Variants in RSPO1 observed in about 807,000 individuals in gnomAD.
RSPO1 encodes R-spondin-1.
A neutral mutation model predicts 26.0 loss-of-function variants in RSPO1; 18 were observed. The observed-to-expected ratio is 0.69, with a 90% CI of 0.48 to 1.03. The LOEUF is 1.03. Ranked by LOEUF, RSPO1 falls within the 50% of genes least tolerant of loss-of-function variation. RSPO1 has a pLI of 0.00. For synonymous variants in RSPO1, 133 were observed against 137.4 expected (o/e 0.97, Z 0.22); for missense variants, 309 against 352.3 (o/e 0.88, Z 0.98).
intron 3 of RSPO1, among the ~76,000 whole-genome samples, chr1:37,622,309 C>T (rs1344314577): frequency 6.6e-6 from 1 of 152,060 alleles, no homozygotes; most frequent in Non-Finnish European, 1.5e-5. Flanking sequence ...GGCAGTTGTT[C>T]GGCAGTGAAA....
intron 3 of RSPO1, among the ~76,000 whole-genome samples, chr1:37,628,985 C>A (rs118067756): frequency 6.6e-6 from 1 of 152,224 alleles, no homozygotes; most frequent in Non-Finnish European, 1.5e-5. Context: ...CCCCTGCCTG[C>A]TTGTCTCCCC....
intron 3 of RSPO1, among the ~76,000 whole-genome samples, chr1:37,625,011 C>T (rs915672158): frequency 6.6e-5 from 10 of 152,240 alleles, no homozygotes; most frequent in African/African-American, 2.4e-4. Context: ...CTGACCAACT[C>T]CCTCAAGCCT....
At chr1:37,631,181 A>G (rs966365374) in intron 2 of RSPO1, among the ~76,000 whole-genome samples, 1 of 152,076 alleles carries the variant, frequency 6.6e-6, no homozygotes, top group African/African-American at 2.4e-5. Flanking sequence ...ACGGGAGATA[A>G]ATCATTATCC....
chr1:37,616,387 C>G (rs1392388934), intron 4 of RSPO1, 97 bp downstream of exon 4: 4 of 1,161,702 alleles, frequency 3.4e-6, no homozygotes, highest in African/African-American at 1.5e-5. Flanking sequence ...TCAGAGCCCC[C>G]TCTGCTCCTC....
intron 5 of RSPO1, 142 bp downstream of exon 5, chr1:37,614,042 G>T: frequency 7.5e-7 from 1 of 1,326,784 alleles, no homozygotes; most frequent in Admixed American, 1.9e-5. Context: ...GGGCAGAAAA[G>T]TCCTTGGAGA....
At chr1:37,626,521 A>C (rs1644278811) in intron 3 of RSPO1, among the ~76,000 whole-genome samples, 1 of 151,384 alleles carries the variant, frequency 6.6e-6, no homozygotes, top group Admixed American at 6.6e-5. Context: ...GTCTTCCCCC[A>C]CTCGCTTGCG....
chr1:37,614,323 G>C lies in RSPO1; in HGVS notation c.297C>G (p.Ile99Met). The change falls in exon 5 of 7, where the codon ATC becomes ATG. Residue 99 changes from isoleucine (I) to methionine (M), a missense_variant. Transcript: ENST00000356545. ...PDMNKCIKCK[I>M]EHCEACFSHN... is the part of the protein sequence containing the mutation. ...GGCTGAAGCAGGCCTCACAGTGCTC[G>C]ATCTTGCATTCTGAGGAGAGGACAG... 4 of 1,613,684 alleles carry C rather than the reference G, an allele frequency of 2.5e-6. No homozygotes were observed. Among genetic ancestry groups the C allele is most frequent in the African/African-American group, 2.7e-5 (2 of 75,010 alleles).
intron 3 of RSPO1, among the ~76,000 whole-genome samples, chr1:37,626,196 C>T (rs1644273733): frequency 2.0e-5 from 3 of 152,096 alleles, no homozygotes; most frequent in Admixed American, 6.5e-5. Flanking sequence ...CTTAATAACC[C>T]GACCTCTACC....
intron 3 of RSPO1, among the ~76,000 whole-genome samples, chr1:37,617,799 G>A (rs72659421): frequency 0.041 from 6,240 of 151,812 alleles, 180 homozygotes; most frequent in Non-Finnish European, 0.063. Flanking sequence ...CATGGACCTT[G>A]CGCAGTGTGA....
chr1:37,613,048 T>TCCA lies in RSPO1; in HGVS notation c.626-128_626-127insTGG. On this transcript the variant is annotated intron_variant, in intron 6 of 6. Coordinates refer to ENST00000356545, the MANE Select transcript of RSPO1 (RefSeq NM_001242908.2). This position sits in a 1 kb window ranked among gnomAD's most constrained non-coding sequence, Gnocchi z 4.5. ...GAGGCAGGGAGGAGGCTGGAGATGC[T>TCCA]GCCTCTAGGTAGTTGGGTCATCGTG... The TCCA allele has an allele frequency of 9.8e-7, 1 of 1,016,596 alleles. No individual in the cohort carries two copies. The highest frequency in any genetic ancestry group is 1.5e-6 in the Non-Finnish European group (1 of 667,828). The allele number at this position is 1,016,596 out of a possible 1,614,324, so 63.0% of individuals were successfully genotyped here.
chr1:37,623,058 G>A (rs966562183), intron 3 of RSPO1, among the ~76,000 whole-genome samples: 1 of 152,058 alleles, frequency 6.6e-6, no homozygotes, highest in African/African-American at 2.4e-5. Context: ...AGCTGGCCTT[G>A]GTTAGGAGGA....
rs903085159 is a variant in RSPO1 at position 37,613,288 on chromosome 1, C to A, written c.626-367G>T. On this transcript the variant is annotated intron_variant, in intron 6 of 6. Coordinates refer to ENST00000356545, the MANE Select transcript of RSPO1 (RefSeq NM_001242908.2). This position sits in a 1 kb window ranked among gnomAD's most constrained non-coding sequence, Gnocchi z 4.5. ...CAGGACTGCCCCCATCCCCTATCCG[C>A]CACCAGCCACCTCTGGGGCCAGGCA... is the stretch of plus-strand genomic sequence containing the variant. Among the ~76,000 whole-genome samples the A allele has an allele frequency of 1.3e-5, 2 of 152,230 alleles. No individual in the cohort carries two copies. The highest frequency in any genetic ancestry group is 4.8e-5 in the African/African-American group (2 of 41,458).
chr1:37,612,691 AG>A lies in RSPO1; in HGVS notation c.*63del. ...TGCCCCCGACGTTCCAGTTCAGGAA[AG>A]CTTGAATCACGCAGAGTAGCACTGA... On this transcript the variant is annotated 3_prime_UTR_variant, in exon 7 of 7. Coordinates refer to ENST00000356545, the MANE Select transcript of RSPO1 (RefSeq NM_001242908.2). 6.4e-7 allele frequency: 1 copy of A among 1,563,002 alleles called. No individual in the cohort carries two copies. Among genetic ancestry groups the A allele is most frequent in the South Asian group, 1.1e-5 (1 of 90,462 alleles).
chr1:37,621,649 T>A (rs1251828345), intron 3 of RSPO1, among the ~76,000 whole-genome samples: 1 of 152,096 alleles, frequency 6.6e-6, no homozygotes, highest in Admixed American at 6.5e-5. Flanking sequence ...GTATTAGACA[T>A]GTTGAGTTTG....
intron 3 of RSPO1, among the ~76,000 whole-genome samples, chr1:37,627,690 A>T (rs537113264): frequency 3.2e-4 from 47 of 145,186 alleles, no homozygotes; most frequent in African/African-American, 1.2e-3. Flanking sequence ...AAAACAAAAC[A>T]AAACTATATA....
intron 3 of RSPO1, among the ~76,000 whole-genome samples, chr1:37,620,817 T>C (rs1644189084): frequency 1.3e-5 from 2 of 152,154 alleles, no homozygotes; most frequent in Non-Finnish European, 2.9e-5. Context: ...CGAGTCATTA[T>C]AGATTTTAGG....
intron 3 of RSPO1, among the ~76,000 whole-genome samples, chr1:37,625,692 T>C (rs1049584485): frequency 3.3e-5 from 5 of 151,794 alleles, no homozygotes; most frequent in African/African-American, 1.2e-4. Flanking sequence ...TTTTTTTTTT[T>C]TTTGGAAACA....
rs1302234340 is a variant in RSPO1, at chr1:37,612,246, G to A, written c.*509C>T. ...TGGAAGGGTAACAATACTCTCCAACGATAAAGTCACACAGCTGGGAGTGCT... is the reference window on the plus strand; with the variant it reads ...TGGAAGGGTAACAATACTCTCCAACAATAAAGTCACACAGCTGGGAGTGCT... On this transcript the variant is annotated 3_prime_UTR_variant, in exon 7 of 7. Coordinates refer to ENST00000356545, the MANE Select transcript of RSPO1 (RefSeq NM_001242908.2). The A allele has an allele frequency of 5.8e-6, 1 of 171,396 alleles. No individual in the cohort carries two copies. Among genetic ancestry groups the A allele is most frequent in the Non-Finnish European group, 1.3e-5 (1 of 78,318 alleles). 10.6% of individuals were successfully genotyped at this position (171,396 alleles called of 1,614,324 possible). A position where few individuals can be genotyped will look rare whatever the true frequency, so the allele number is the denominator to read the frequency against.
At chr1:37,620,656 T>TAATAATAATAATAATAAG (rs1644186881) in intron 3 of RSPO1, among the ~76,000 whole-genome samples, 1 of 148,440 alleles carries the variant, frequency 6.7e-6, no homozygotes, top group East Asian at 2.0e-4. Context: ...ATAATAATAA[T>TAATAATAATAATAATAAG]AATATATGAT....
Sources: allele counts gnomAD v4.1 joint callset (sites outside exome capture counted in the v4.1 genomes callset), GRCh38; gene constraint gnomAD v4.1.1; non-coding constraint Gnocchi (gnomAD v3.1); transcripts MANE v1.5; gene names NCBI Gene and HGNC (gene_info 2026-07-23, HGNC 2026-07-21).